Variants in FSD1L observed in about 807,000 individuals in gnomAD.
FSD1L encodes fibronectin type III and SPRY domain containing 1 like.
Under a neutral mutation model 71.6 loss-of-function variants are expected in FSD1L, and 45 were observed. That is an observed-to-expected ratio of 0.63 (90% CI 0.49 to 0.81). The LOEUF is 0.81. FSD1L is among the 30% of genes least tolerant of loss of function. The probability of loss-of-function intolerance (pLI) is 0.00; values close to 1 mark genes in which losing one functional copy is unlikely to be tolerated. For synonymous variants in FSD1L, 197 were observed against 207.2 expected, an observed-to-expected ratio of 0.95 and a Z score of 0.42; for missense variants, 561 against 618.1, an observed-to-expected ratio of 0.91 and a Z score of 0.98.
intron 4 of FSD1L, among the ~76,000 whole-genome samples, chr9:105,471,509 A>G (rs1428648600): frequency 4.6e-5 from 7 of 152,084 alleles, no homozygotes; most frequent in Non-Finnish European, 8.8e-5. Context: ...TTAGAAAAAT[A>G]CTTCCTACTT....
intron 5 of FSD1L, chr9:105,472,790 A>G (rs1266476278): frequency 1.3e-5 from 2 of 152,200 alleles, no homozygotes; most frequent in Non-Finnish European, 2.9e-5. Context: ...AGAAGGTAAC[A>G]TTTGCCACCT....
chr9:105,538,765 G>T (rs56173518), intron 12 of FSD1L, among the ~76,000 whole-genome samples: 1 of 152,018 alleles, frequency 6.6e-6, no homozygotes, highest in Non-Finnish European at 1.5e-5. Flanking sequence ...GCAAGACCCC[G>T]CCTCTGTTAA....
the FSD1L span, among the ~76,000 whole-genome samples, chr9:105,442,647 C>T: frequency 6.6e-6 from 1 of 151,874 alleles, no homozygotes; most frequent in Non-Finnish European, 1.5e-5. Context: ...GAGATTGCAC[C>T]ATTGCACTCC....
intron 1 of FSD1L, among the ~76,000 whole-genome samples, chr9:105,454,292 C>T (rs913915652): frequency 1.3e-5 from 2 of 152,098 alleles, no homozygotes; most frequent in Middle Eastern, 3.2e-3. Flanking sequence ...AATCATTCTA[C>T]AATACTTTTA....
Position 105,516,426 on chromosome 9 carries a change from C to G in FSD1L, c.1025+3490C>G, listed in dbSNP as rs117421292. ...ACCTCCCAGTAGGTGCCGATAGATA[C>G]CTCATACAGGAAAGCTCTGGCTAGC... On this transcript the variant is annotated intron_variant, in intron 10 of 13. Transcript: ENST00000481272. Among the ~76,000 whole-genome samples, 17 of 152,258 alleles carry G rather than the reference C, an allele frequency of 1.1e-4. No homozygotes were observed. In the East Asian group the frequency reaches 2.9e-3, roughly 26 times the overall value.
At chr9:105,485,533 G>GTTTTTTTTTTTTTT (rs34268568) in intron 7 of FSD1L, among the ~76,000 whole-genome samples, 1 of 79,404 alleles carries the variant, frequency 1.3e-5, no homozygotes, top group Non-Finnish European at 2.3e-5. Context: ...TTGGTTAGGT[G>GTTTTTTTTTTTTTT]TTTTTTTTTT....
chr9:105,496,202 CT>C (rs542818608), intron 7 of FSD1L, among the ~76,000 whole-genome samples: 3,333 of 113,104 alleles, frequency 0.029, 42 homozygotes, highest in African/African-American at 0.092. Context: ...ATGACTGTAG[CT>C]TTTTTTTTTT....
At chr9:105,469,307 G>A (rs558344634) in intron 4 of FSD1L, among the ~76,000 whole-genome samples, 1 of 152,258 alleles carries the variant, frequency 6.6e-6, no homozygotes, top group African/African-American at 2.4e-5. Context: ...GCTGAATCAT[G>A]TGGTAATTCT....
intron 10 of FSD1L, among the ~76,000 whole-genome samples, chr9:105,516,745 C>T (rs1834751187): frequency 6.6e-6 from 1 of 152,138 alleles, no homozygotes. Flanking sequence ...CTGAAAATTC[C>T]AAAAGCCAGA....
intron 7 of FSD1L, among the ~76,000 whole-genome samples, chr9:105,485,598 T>C (rs1832494548): frequency 6.7e-6 from 1 of 148,282 alleles, no homozygotes; most frequent in Non-Finnish European, 1.5e-5. Context: ...GATATGGTGA[T>C]TTGAGGGATC....
At chr9:105,542,662 C>T (rs1386885868) in intron 13 of FSD1L, among the ~76,000 whole-genome samples, 1 of 152,108 alleles carries the variant, frequency 6.6e-6, no homozygotes, top group Non-Finnish European at 1.5e-5. Flanking sequence ...TGCTATATTG[C>T]CCAGGCTGGT....
chr9:105,499,891 T>C (rs1269275372), intron 7 of FSD1L, among the ~76,000 whole-genome samples: 1 of 152,234 alleles, frequency 6.6e-6, no homozygotes, highest in Non-Finnish European at 1.5e-5. Context: ...TTTTTTGTCT[T>C]TGCTGTTTCA....
intron 2 of FSD1L, among the ~76,000 whole-genome samples, chr9:105,463,963 T>C (rs1830888943): frequency 6.6e-6 from 1 of 152,192 alleles, no homozygotes; most frequent in Admixed American, 6.5e-5. Flanking sequence ...AATAATTCTA[T>C]TGATATTAAG....
At chr9:105,454,026 C>G (rs536552716) in intron 1 of FSD1L, among the ~76,000 whole-genome samples, 2 of 152,160 alleles carry the variant, frequency 1.3e-5, no homozygotes, top group South Asian at 4.2e-4. Flanking sequence ...ATTAACGTAG[C>G]CAGCTTTTGC....
intron 10 of FSD1L, chr9:105,522,272 A>C: frequency 5.6e-6 from 9 of 1,613,716 alleles, no homozygotes; most frequent in Non-Finnish European, 7.6e-6. Flanking sequence ...CTAAAGTTTT[A>C]GCTAGGAATT....
intron 1 of FSD1L, among the ~76,000 whole-genome samples, chr9:105,461,079 G>A (rs1057100922): frequency 5.3e-5 from 8 of 152,140 alleles, no homozygotes; most frequent in Non-Finnish European, 1.0e-4. Context: ...CATAACATAA[G>A]CACATAAAGA....
In FSD1L at chr9:105,486,066, A is replaced by G. The variant is rs369210894; in HGVS notation, c.586+1564A>G. Among the ~76,000 whole-genome samples, 33 of 150,082 alleles carry G rather than the reference A, an allele frequency of 2.2e-4. No homozygotes were observed. The East Asian group carries it at 5.4e-3, about 25-fold the overall frequency. On this transcript the variant is annotated intron_variant, in intron 7 of 13. Transcript: ENST00000481272. ...ACAAGTTAGTAGTTCTCACACTGTA[A>G]TGGAACCTAGGAAGGGGGTAGCACA...
rs563718072 is a variant in FSD1L at position 105,521,181 on chromosome 9, G to A, written c.1025+8245G>A. 213 of 1,614,124 alleles carry A rather than the reference G, an allele frequency of 1.3e-4. No individual in the cohort carries two copies. The African/African-American group carries it at 2.3e-3, about 18-fold the overall frequency. On this transcript the variant is annotated intron_variant, in intron 10 of 13. Coordinates refer to ENST00000481272, the MANE Select transcript of FSD1L (RefSeq NM_001145313.3). ...TCGTGTTATTGTCATTCGTTGGCTG[G>A]TTTCTTTCTGGCTGGAGCCAAAACC...
chr9:105,536,477 G>T (rs1410503386), intron 12 of FSD1L, among the ~76,000 whole-genome samples: 1 of 152,092 alleles, frequency 6.6e-6, no homozygotes, highest in African/African-American at 2.4e-5. Context: ...ACCAGCAAAG[G>T]ACAGTAATTT....
Sources: allele counts gnomAD v4.1 joint callset (sites outside exome capture counted in the v4.1 genomes callset), GRCh38; gene constraint gnomAD v4.1.1; transcripts MANE v1.5; gene names NCBI Gene and HGNC (gene_info 2026-07-23, HGNC 2026-07-21).